Variants in EPHA6 observed in about 807,000 individuals in gnomAD.
EPHA6 encodes the protein ephrin type-A receptor 6.
Under a neutral mutation model 112.0 loss-of-function variants are expected in EPHA6, and 50 were observed. That is an observed-to-expected ratio of 0.45 (90% CI 0.36 to 0.56). The LOEUF is 0.56. EPHA6 is among the 20% of genes least tolerant of loss of function. EPHA6 has a pLI of 0.00. For synonymous variants in EPHA6, 529 were observed against 490.7 expected, an observed-to-expected ratio of 1.08 and a Z score of -1.03; for missense variants, 1,280 against 1,417.4, an observed-to-expected ratio of 0.90 and a Z score of 1.56.
At chr3:97,057,500 C>A (rs2045889194) in intron 3 of EPHA6, among the ~76,000 whole-genome samples, 1 of 152,174 alleles carries the variant, frequency 6.6e-6, no homozygotes, top group African/African-American at 2.4e-5. Flanking sequence ...TATGAAAGGA[C>A]AGTCAAACCT....
At chr3:97,608,595 C>T (rs1407206615) in intron 12 of EPHA6, among the ~76,000 whole-genome samples, 2 of 151,160 alleles carry the variant, frequency 1.3e-5, no homozygotes, top group Non-Finnish European at 1.5e-5. Flanking sequence ...CTGTGAGAGA[C>T]TTTTAGGGAA....
Position 97,083,240 on chromosome 3 carries a change from C to T in EPHA6, c.1114+95247C>T, listed in dbSNP as rs535797039. On this transcript the variant is annotated intron_variant, in intron 3 of 17. Coordinates refer to ENST00000389672, the MANE Select transcript of EPHA6 (RefSeq NM_001080448.3). ...TGTTTCTACTTCCACTTCTCTGCCT[C>T]TGCCTGGCATTCCTAATTTATATCT... Among the ~76,000 whole-genome samples the T allele has an allele frequency of 1.3e-4, 20 of 152,140 alleles. No individual in the cohort carries two copies. The South Asian group carries it at 3.9e-3, about 30-fold the overall frequency.
At chr3:96,931,912 T>G (rs557975761) in intron 2 of EPHA6, among the ~76,000 whole-genome samples, 1 of 152,104 alleles carries the variant, frequency 6.6e-6, no homozygotes, top group Non-Finnish European at 1.5e-5. Flanking sequence ...CAGAGTAGGG[T>G]CTCTGTGTGT....
intron 5 of EPHA6, among the ~76,000 whole-genome samples, chr3:97,319,465 C>T (rs552861908): frequency 2.9e-4 from 44 of 151,130 alleles, no homozygotes; most frequent in Non-Finnish European, 5.9e-4. Context: ...GTCAGGAGTT[C>T]GAGACCAGCC....
At chr3:97,324,750 G>A (rs944428743) in intron 5 of EPHA6, among the ~76,000 whole-genome samples, 4 of 151,876 alleles carry the variant, frequency 2.6e-5, no homozygotes. Context: ...ATGTTGGTCA[G>A]GCTGGTCTCA....
At chr3:97,111,018 C>T (rs1439341068) in intron 3 of EPHA6, among the ~76,000 whole-genome samples, 2 of 151,936 alleles carry the variant, frequency 1.3e-5, no homozygotes, top group Non-Finnish European at 2.9e-5. Context: ...GAAATTTTTT[C>T]ACTATAGGGC....
At chr3:96,850,831 G>A (rs2035337405) in intron 1 of EPHA6, among the ~76,000 whole-genome samples, 2 of 152,094 alleles carry the variant, frequency 1.3e-5, no homozygotes, top group African/African-American at 4.8e-5. Flanking sequence ...TTCATTGGAA[G>A]ATGGGATAAA....
intron 3 of EPHA6, among the ~76,000 whole-genome samples, chr3:97,007,530 G>C (rs2043930591): frequency 6.6e-6 from 1 of 151,366 alleles, no homozygotes; most frequent in Non-Finnish European, 1.5e-5. Context: ...CCTGAATACA[G>C]AACACCGATG....
At chr3:97,544,236 G>T (rs981569456) in intron 11 of EPHA6, among the ~76,000 whole-genome samples, 25 of 152,192 alleles carry the variant, frequency 1.6e-4, no homozygotes, top group Admixed American at 5.2e-4. Flanking sequence ...GTTTGTCATA[G>T]ATAGCTCTTA....
intron 13 of EPHA6, among the ~76,000 whole-genome samples, chr3:97,630,781 C>CG (rs1266916638): frequency 6.6e-6 from 1 of 151,932 alleles, no homozygotes; most frequent in African/African-American, 2.4e-5. Flanking sequence ...TGACTTGCCC[C>CG]GGGCAAAAAT....
At chr3:97,310,867 T>C (rs915797804) in intron 5 of EPHA6, among the ~76,000 whole-genome samples, 8 of 151,742 alleles carry the variant, frequency 5.3e-5, no homozygotes, top group African/African-American at 1.9e-4. Context: ...TTGAGATTCA[T>C]TTGTATGGTA....
intron 15 of EPHA6, among the ~76,000 whole-genome samples, chr3:97,722,630 CTA>C (rs1362532936): frequency 6.6e-6 from 1 of 151,664 alleles, no homozygotes; most frequent in African/African-American, 2.4e-5. Context: ...GGGAGATAGA[CTA>C]TAAACAAAAT....
At chr3:97,673,520 C>A (rs1391684753) in intron 14 of EPHA6, among the ~76,000 whole-genome samples, 2 of 152,210 alleles carry the variant, frequency 1.3e-5, no homozygotes, top group Admixed American at 6.5e-5. Context: ...TTCCTGCCAG[C>A]AGCCTAACCT....
chr3:97,234,376 A>G (rs565872062), intron 4 of EPHA6, among the ~76,000 whole-genome samples: 69 of 152,168 alleles, frequency 4.5e-4, no homozygotes, highest in Non-Finnish European at 6.8e-4. Context: ...TGGAAAAATC[A>G]TCGTCATTGG....
intron 10 of EPHA6, among the ~76,000 whole-genome samples, chr3:97,522,057 G>A (rs570644927): frequency 5.7e-4 from 87 of 151,648 alleles, no homozygotes; most frequent in Non-Finnish European, 9.6e-4. Context: ...CTGAGTAGCT[G>A]GGACTACCTT....
intron 5 of EPHA6, among the ~76,000 whole-genome samples, chr3:97,321,087 A>G (rs191500470): frequency 2.0e-5 from 3 of 151,982 alleles, no homozygotes; most frequent in African/African-American, 7.2e-5. Flanking sequence ...CACGGTGGAA[A>G]TGTCAGGTTT....
chr3:97,042,332 A>G (rs2108056689), intron 3 of EPHA6, among the ~76,000 whole-genome samples: 1 of 151,960 alleles, frequency 6.6e-6, no homozygotes, highest in Admixed American at 6.6e-5. Context: ...TGCACCTTCC[A>G]CTATGATTTT....
intron 3 of EPHA6, among the ~76,000 whole-genome samples, chr3:97,174,861 G>A (rs2076792977): frequency 6.6e-6 from 1 of 151,362 alleles, no homozygotes; most frequent in African/African-American, 2.4e-5. Context: ...TATTCACTTT[G>A]TTGATTGTAT....
chr3:96,937,428 T>G (rs888266528), intron 2 of EPHA6, among the ~76,000 whole-genome samples: 2 of 149,230 alleles, frequency 1.3e-5, no homozygotes, highest in Non-Finnish European at 2.9e-5. Flanking sequence ...TCTGTTCATA[T>G]CCTTCGCCCA....
Sources: gnomAD v4.1 joint callset for allele counts (sites outside exome capture counted in the v4.1 genomes callset) on GRCh38, gnomAD v4.1.1 for gene constraint, MANE v1.5 for transcripts, NCBI Gene and HGNC (gene_info 2026-07-23, HGNC 2026-07-21) for gene names.